Variants in WWC2 observed in about 807,000 individuals in gnomAD.
WWC2 encodes the protein protein WWC2.
In WWC2, 101 loss-of-function variants were observed where a neutral mutation model predicts 138.5. The ratio of observed to expected loss-of-function variants is 0.73; its 90% CI spans 0.62 to 0.86. The LOEUF is 0.86. Among genes scored for constraint, WWC2 ranks in the 40% least tolerant of loss-of-function variants. The pLI is 0.00. For synonymous variants in WWC2, 558 were observed against 538.4 expected, an observed-to-expected ratio of 1.04 and a Z score of -0.50; for missense variants, 1,420 against 1,419.4, an observed-to-expected ratio of 1.00 and a Z score of -0.01.
chr4:183,315,111 C>A (rs1417677297), intron 22 of WWC2, among the ~76,000 whole-genome samples: 1 of 152,216 alleles, frequency 6.6e-6, no homozygotes, highest in East Asian at 1.9e-4. Flanking sequence ...ACTCTCCTCA[C>A]CTGAAAACCG....
intron 1 of WWC2, among the ~76,000 whole-genome samples, chr4:183,147,186 A>G (rs906403915): frequency 3.3e-5 from 5 of 152,202 alleles, no homozygotes; most frequent in African/African-American, 1.2e-4. Flanking sequence ...AAAGAGAAGG[A>G]AATAGGAACT....
intron 4 of WWC2, among the ~76,000 whole-genome samples, chr4:183,222,889 C>T (rs1735970932): frequency 6.6e-6 from 1 of 152,144 alleles, no homozygotes. Flanking sequence ...TCACTTGAAC[C>T]TGGGAGGCAG....
intron 21 of WWC2, among the ~76,000 whole-genome samples, chr4:183,301,240 A>C (rs1185670802): frequency 1.3e-5 from 2 of 152,178 alleles, no homozygotes; most frequent in Non-Finnish European, 2.9e-5. Flanking sequence ...CCTAATGAAA[A>C]ATTATCCATT....
intron 1 of WWC2, among the ~76,000 whole-genome samples, chr4:183,141,477 T>C (rs1168464659): frequency 6.6e-6 from 1 of 152,194 alleles, no homozygotes; most frequent in Admixed American, 6.5e-5. Flanking sequence ...CGTATACATT[T>C]GTGGGACCAT....
intron 2 of WWC2, among the ~76,000 whole-genome samples, chr4:183,201,291 A>G (rs1457437924): frequency 6.6e-6 from 1 of 152,052 alleles, no homozygotes; most frequent in Non-Finnish European, 1.5e-5. Flanking sequence ...TTTTTTTCAC[A>G]GTTAGGTGAG....
At chr4:183,119,237 C>T (rs1732523047) in intron 1 of WWC2, among the ~76,000 whole-genome samples, 1 of 152,088 alleles carries the variant, frequency 6.6e-6, no homozygotes, top group Non-Finnish European at 1.5e-5. Flanking sequence ...CCATGAATTC[C>T]CTCTCCAGAA....
At chr4:183,149,163 A>C (rs1003532364) in intron 1 of WWC2, among the ~76,000 whole-genome samples, 4 of 152,134 alleles carry the variant, frequency 2.6e-5, no homozygotes, top group Non-Finnish European at 5.9e-5. Flanking sequence ...TCCTAACACC[A>C]ACCAGAACAC....
intron 4 of WWC2, among the ~76,000 whole-genome samples, chr4:183,215,696 A>C (rs1735736649): frequency 1.3e-5 from 2 of 152,156 alleles, no homozygotes; most frequent in South Asian, 4.1e-4. Context: ...GAAGGGTATG[A>C]AACTGCAGGC....
chr4:183,106,889 T>G (rs1033829843), intron 1 of WWC2, among the ~76,000 whole-genome samples: 1 of 152,220 alleles, frequency 6.6e-6, no homozygotes, highest in Non-Finnish European at 1.5e-5. Flanking sequence ...TGAATATCCC[T>G]GTACAATTTT....
chr4:183,218,774 GAGA>G (rs539214025), intron 4 of WWC2, among the ~76,000 whole-genome samples: 105 of 152,338 alleles, frequency 6.9e-4, no homozygotes, highest in African/African-American at 2.3e-3. Context: ...TACTAGGTTA[GAGA>G]GGTCAGTTTT....
At chr4:183,184,704 G>T (rs1025154508) in intron 1 of WWC2, among the ~76,000 whole-genome samples, 18 of 152,108 alleles carry the variant, frequency 1.2e-4, no homozygotes, top group Admixed American at 6.5e-5. Flanking sequence ...GTGCTTCACT[G>T]TGGTTTTGAT....
chr4:183,243,150 A>C (rs911154548), intron 5 of WWC2, among the ~76,000 whole-genome samples: 1 of 152,314 alleles, frequency 6.6e-6, no homozygotes, highest in South Asian at 2.1e-4. Context: ...TTAAACGTTA[A>C]GGTTTTTTTC....
At chr4:183,105,821 C>T (rs1040665976) in intron 1 of WWC2, among the ~76,000 whole-genome samples, 7 of 150,630 alleles carry the variant, frequency 4.6e-5, no homozygotes, top group Non-Finnish European at 7.4e-5. Context: ...ACCCGGGAAG[C>T]GGAGCTTGCA....
chr4:183,130,101 G>A (rs1422111670), intron 1 of WWC2, among the ~76,000 whole-genome samples: 3 of 149,992 alleles, frequency 2.0e-5, no homozygotes, highest in East Asian at 3.9e-4. Context: ...CGCCCAGGGT[G>A]GAATGCAGTG....
chr4:183,273,592 C>T (rs1411130828), intron 16 of WWC2, among the ~76,000 whole-genome samples: 10 of 152,142 alleles, frequency 6.6e-5, no homozygotes, highest in South Asian at 4.1e-4. Flanking sequence ...CGTGAGCCAC[C>T]GCACCCAGCC....
intron 1 of WWC2, among the ~76,000 whole-genome samples, chr4:183,117,557 C>T (rs1445649045): frequency 1.3e-5 from 2 of 151,800 alleles, no homozygotes; most frequent in Non-Finnish European, 2.9e-5. Flanking sequence ...TTAATTTAAA[C>T]CCTGTTGGGT....
At chr4:183,111,630 G>A (rs1339361463) in intron 1 of WWC2, among the ~76,000 whole-genome samples, 1 of 151,440 alleles carries the variant, frequency 6.6e-6, no homozygotes, top group African/African-American at 2.4e-5. Flanking sequence ...CATACCATAT[G>A]TTCTTTTCTT....
At position 183,317,522 on chromosome 4, in the gene WWC2, G is replaced by A. The variant is rs1279676067; in HGVS notation, c.*1793G>A. ...CAGTTCACCCTTGTCAAGGTCAAAT[G>A]TGAAAGACAGAAGTTTATTTAATGT... On this transcript the variant is annotated 3_prime_UTR_variant, in exon 23 of 23. Transcript: ENST00000403733. 1.3e-5 allele frequency: 2 copies of A among 152,622 alleles called. No individual in the cohort carries two copies. The highest frequency in any genetic ancestry group is 2.4e-5 in the African/African-American group (1 of 41,460). 9.5% of individuals were successfully genotyped at this position (152,622 alleles called of 1,614,324 possible).
intron 1 of WWC2, among the ~76,000 whole-genome samples, chr4:183,143,757 G>A (rs1363724931): frequency 1.3e-5 from 2 of 151,864 alleles, no homozygotes; most frequent in East Asian, 1.9e-4. Context: ...GCAGTGAGCC[G>A]AGATTGTGCT....
Sources: gnomAD v4.1 joint callset for allele counts (sites outside exome capture counted in the v4.1 genomes callset) on GRCh38, gnomAD v4.1.1 for gene constraint, MANE v1.5 for transcripts, NCBI Gene and HGNC (gene_info 2026-07-23, HGNC 2026-07-21) for gene names.